Variants in BRINP1 observed in about 807,000 individuals in gnomAD.
The protein encoded by BRINP1 is BMP/retinoic acid inducible neural specific 1, also known as BMP/retinoic acid-inducible neural-specific protein 1.
BRINP1 carries 17 observed loss-of-function variants against 72.9 expected under a neutral mutation model. The observed-to-expected ratio is 0.23, with a 90% CI of 0.16 to 0.35. The LOEUF is 0.35. Among genes scored for constraint, BRINP1 ranks in the 10% least tolerant of loss-of-function variants. The pLI, the probability that BRINP1 is intolerant of heterozygous loss-of-function variation, is 1.00. For synonymous variants in BRINP1, 418 were observed against 378.5 expected (o/e 1.10, Z -1.21); for missense variants, 850 against 1,001.6 (o/e 0.85, Z 2.04).
At chr9:119,335,970 T>C (rs1831341759) in intron 1 of BRINP1, among the ~76,000 whole-genome samples, 1 of 152,226 alleles carries the variant, frequency 6.6e-6, no homozygotes, top group Non-Finnish European at 1.5e-5. Context: ...GTTCTTCTTT[T>C]GAATGCCACC....
intron 4 of BRINP1, 79 bp from the exon 5 acceptor site, chr9:119,238,839 A>G: frequency 1.1e-6 from 1 of 951,334 alleles, no homozygotes; most frequent in Admixed American, 2.6e-5. Flanking sequence ...ATGCCCCAGC[A>G]GAGCAAAGCC....
chr9:119,346,621 G>GA (rs200187817), intron 1 of BRINP1, among the ~76,000 whole-genome samples: 56 of 150,024 alleles, frequency 3.7e-4, no homozygotes, highest in African/African-American at 1.1e-3. Flanking sequence ...GTACGTACAT[G>GA]AAAAAAAAAC....
At chr9:119,173,195 CCT>C (rs1425753049) in intron 7 of BRINP1, among the ~76,000 whole-genome samples, 3 of 150,404 alleles carry the variant, frequency 2.0e-5, no homozygotes, top group South Asian at 2.1e-4. Context: ...TCAAATTGTC[CCT>C]GTTTGCAGAT....
chr9:119,189,188 A>C (rs1434819517), intron 7 of BRINP1, among the ~76,000 whole-genome samples: 2 of 152,146 alleles, frequency 1.3e-5, no homozygotes, highest in East Asian at 1.9e-4. Context: ...AGATACACAA[A>C]TGAGAAAAAG....
chr9:119,317,882 A>G (rs1029990878), intron 1 of BRINP1, among the ~76,000 whole-genome samples: 1 of 152,212 alleles, frequency 6.6e-6, no homozygotes, highest in Admixed American at 6.5e-5. Context: ...AGTGTTTTTA[A>G]TAAAGGCATA....
In BRINP1 at chr9:119,369,038, C is replaced by A; in HGVS notation, c.-51+18G>T. 3 of 395,194 alleles carry A rather than the reference C, an allele frequency of 7.6e-6. No individual in the cohort carries two copies. The highest frequency in any genetic ancestry group is 1.3e-5 in the Non-Finnish European group (3 of 224,264). The allele number at this position is 395,194 out of a possible 1,614,324, so 24.5% of individuals were successfully genotyped here. On this transcript the variant is annotated intron_variant, in intron 1 of 7. Transcript: ENST00000265922. ...AGGGCAGCGGGGCTGCGGGGCGCTG[C>A]ACCCGGCGCCGCCTTACCTGGAGTC...
At chr9:119,340,512 C>G (rs978543327) in intron 1 of BRINP1, among the ~76,000 whole-genome samples, 17 of 152,146 alleles carry the variant, frequency 1.1e-4, no homozygotes, top group African/African-American at 4.1e-4. Flanking sequence ...CTCCTCTTCC[C>G]CAGTCCAGCT....
chr9:119,328,060 T>A (rs1432348102), intron 1 of BRINP1, among the ~76,000 whole-genome samples: 1 of 152,172 alleles, frequency 6.6e-6, no homozygotes, highest in Admixed American at 6.5e-5. Flanking sequence ...GCAATGCCCA[T>A]TTTTAGTCAG....
chr9:119,298,363 A>C (rs1013231536), intron 2 of BRINP1, among the ~76,000 whole-genome samples: 5 of 152,196 alleles, frequency 3.3e-5, no homozygotes, highest in Admixed American at 3.3e-4. Context: ...GGTAAAGATA[A>C]ATTCCTCTTT....
Position 119,167,770 on chromosome 9 carries a change from G to A in BRINP1, c.1600C>T (p.Arg534Cys), listed in dbSNP as rs1181332408. The A allele has an allele frequency of 2.5e-6, 4 of 1,613,950 alleles. No individual in the cohort carries two copies. The highest frequency in any genetic ancestry group is 2.2e-5 in the East Asian group (1 of 44,864). Reference sequence around the variant, plus strand: ...ATCACCATGTGGATGAAGTCCATGCGGTTCTTGTTGCTCTTGAGAGTGAGG... The same window carrying A: ...ATCACCATGTGGATGAAGTCCATGCAGTTCTTGTTGCTCTTGAGAGTGAGG... Reference protein sequence around the residue: ...MSLTLKSNKNRMDFIHMVIGM... With the variant: ...MSLTLKSNKNCMDFIHMVIGM... Residue 534 changes from arginine to cysteine, a missense_variant, in exon 8 of 8, where the codon CGC (arginine) becomes TGC (cysteine). Transcript: ENST00000265922. The surrounding 1 kb of genome is among the most constrained non-coding windows in gnomAD (Gnocchi z 4.3).
intron 5 of BRINP1, among the ~76,000 whole-genome samples, chr9:119,232,047 G>T (rs1294018903): frequency 2.0e-5 from 3 of 152,018 alleles, no homozygotes; most frequent in African/African-American, 7.2e-5. Context: ...ACTCAACTAG[G>T]TTTGAACGCA....
chr9:119,274,064 G>A (rs1016833332), intron 2 of BRINP1, among the ~76,000 whole-genome samples: 3 of 152,198 alleles, frequency 2.0e-5, no homozygotes, highest in Non-Finnish European at 2.9e-5. Flanking sequence ...AGCAGGTTAG[G>A]AAGCTAAATG....
intron 2 of BRINP1, among the ~76,000 whole-genome samples, chr9:119,305,976 A>G (rs1830994209): frequency 6.6e-6 from 1 of 152,172 alleles, no homozygotes. Context: ...CAAGATTTGG[A>G]GCACAGTATT....
At chr9:119,207,051 AC>A (rs1213471050) in intron 7 of BRINP1, among the ~76,000 whole-genome samples, 3 of 152,244 alleles carry the variant, frequency 2.0e-5, no homozygotes, top group African/African-American at 7.2e-5. Flanking sequence ...GAATGTCTGT[AC>A]AAGGAGGAGG....
chr9:119,259,184 C>T (rs1205546385), intron 2 of BRINP1, among the ~76,000 whole-genome samples: 1 of 152,200 alleles, frequency 6.6e-6, no homozygotes, highest in Non-Finnish European at 1.5e-5. Flanking sequence ...ACAGACTTTA[C>T]GGTCGGCCTG....
At chr9:119,357,655 C>T (rs1831582760) in intron 1 of BRINP1, among the ~76,000 whole-genome samples, 1 of 152,170 alleles carries the variant, frequency 6.6e-6, no homozygotes, top group Non-Finnish European at 1.5e-5. Flanking sequence ...AGAGAGAAAG[C>T]AAAACGCAGA....
intron 2 of BRINP1, among the ~76,000 whole-genome samples, chr9:119,288,117 G>T (rs982760932): frequency 1.3e-5 from 2 of 152,194 alleles, no homozygotes; most frequent in Non-Finnish European, 2.9e-5. Flanking sequence ...GAACAGATGG[G>T]TAGGAGGCTG....
At chr9:119,338,777 C>G (rs1831377759) in intron 1 of BRINP1, among the ~76,000 whole-genome samples, 1 of 150,996 alleles carries the variant, frequency 6.6e-6, no homozygotes, top group Non-Finnish European at 1.5e-5. Flanking sequence ...CGCCTGTACT[C>G]CGGAGGCTGA....
At chr9:119,309,830 G>T (rs922399516) in intron 2 of BRINP1, among the ~76,000 whole-genome samples, 1 of 152,108 alleles carries the variant, frequency 6.6e-6, no homozygotes, top group African/African-American at 2.4e-5. Flanking sequence ...GGGATAGGAG[G>T]ATATATGTTT....
Sources: allele counts gnomAD v4.1 joint callset (sites outside exome capture counted in the v4.1 genomes callset), GRCh38; gene constraint gnomAD v4.1.1; non-coding constraint Gnocchi (gnomAD v3.1); transcripts MANE v1.5; gene names NCBI Gene and HGNC (gene_info 2026-07-23, HGNC 2026-07-21).